RARB: variants seen among roughly 807,000 people sequenced by gnomAD.
The protein encoded by RARB is HBV-activated protein.
A neutral mutation model predicts 51.9 loss-of-function variants in RARB; 17 were observed. The observed-to-expected ratio is 0.33, with a 90% CI of 0.22 to 0.49. The LOEUF (loss-of-function observed/expected upper bound fraction) is 0.49, where lower values mean the gene tolerates loss of function less well. Ranked by LOEUF, RARB falls within the 20% of genes least tolerant of loss-of-function variation. The pLI is 0.99. For synonymous variants in RARB, 215 were observed against 195.4 expected, an observed-to-expected ratio of 1.10 and a Z score of -0.84; for missense variants, 369 against 550.8, an observed-to-expected ratio of 0.67 and a Z score of 3.30.
intron 2 of RARB, among the ~76,000 whole-genome samples, chr3:25,479,155 CT>C (rs201692330): frequency 1.1e-4 from 16 of 146,882 alleles, no homozygotes; most frequent in East Asian, 4.1e-4. Flanking sequence ...TGTCTGTCTT[CT>C]TTTTTTTTTG....
intron 3 of RARB, among the ~76,000 whole-genome samples, chr3:25,105,599 G>C (rs1699484869): frequency 6.6e-6 from 1 of 152,044 alleles, no homozygotes; most frequent in South Asian, 2.1e-4. Context: ...GGAGGAATTG[G>C]AAGAATATGA....
intron 2 of RARB, among the ~76,000 whole-genome samples, chr3:24,880,349 CTG>C (rs1703135689): frequency 1.3e-5 from 2 of 151,950 alleles, no homozygotes; most frequent in South Asian, 4.2e-4. Context: ...CAGAGGAAAA[CTG>C]GGGGTGGGGG....
chr3:24,888,709 A>G (rs1402986053), intron 2 of RARB, among the ~76,000 whole-genome samples: 1 of 152,178 alleles, frequency 6.6e-6, no homozygotes. Flanking sequence ...CTGTGCATTG[A>G]TGGATATAAA....
intron 2 of RARB, among the ~76,000 whole-genome samples, chr3:25,047,752 T>C (rs1698246234): frequency 6.6e-6 from 1 of 152,240 alleles, no homozygotes; most frequent in Admixed American, 6.5e-5. Flanking sequence ...ACACCTAGTC[T>C]TCCCACTGTA....
intron 1 of RARB, among the ~76,000 whole-genome samples, chr3:24,834,714 C>G (rs999290636): frequency 2.0e-5 from 3 of 152,136 alleles, no homozygotes; most frequent in Non-Finnish European, 2.9e-5. Context: ...CAAGAAAAAT[C>G]TAAGTCTCAA....
chr3:25,554,098 A>T (rs1321089281), intron 3 of RARB, among the ~76,000 whole-genome samples: 1 of 151,372 alleles, frequency 6.6e-6, no homozygotes, highest in Non-Finnish European at 1.5e-5. Context: ...AGGGGTCTAC[A>T]AATACTGCAG....
chr3:25,459,481 G>C (rs992995724), intron 1 of RARB, among the ~76,000 whole-genome samples: 3 of 152,192 alleles, frequency 2.0e-5, no homozygotes, highest in Non-Finnish European at 4.4e-5. Context: ...CTATTGGAGG[G>C]CTTTAGATAG....
At chr3:25,317,358 G>T (rs1001638821) in intron 5 of RARB, among the ~76,000 whole-genome samples, 1 of 152,124 alleles carries the variant, frequency 6.6e-6, no homozygotes, top group Non-Finnish European at 1.5e-5. Flanking sequence ...ATGTAATCTG[G>T]TCCCTAATTT....
intron 2 of RARB, among the ~76,000 whole-genome samples, chr3:24,873,355 T>C (rs536150430): frequency 1.3e-5 from 2 of 152,286 alleles, no homozygotes. Flanking sequence ...CATTTAGGAA[T>C]TTCAGTTCTT....
intron 5 of RARB, among the ~76,000 whole-genome samples, chr3:25,291,505 G>A (rs1342216985): frequency 8.0e-6 from 1 of 125,424 alleles, no homozygotes; most frequent in Non-Finnish European, 1.7e-5. Flanking sequence ...GAACACACAC[G>A]GCTTGTTTGC....
intron 2 of RARB, among the ~76,000 whole-genome samples, chr3:25,043,739 C>T (rs1331016608): frequency 1.3e-5 from 2 of 152,044 alleles, no homozygotes; most frequent in Non-Finnish European, 2.9e-5. Flanking sequence ...TTTACGTGAC[C>T]ACTCAGCATG....
In RARB at chr3:25,304,126, A is replaced by C. The variant is rs532852272; in HGVS notation, c.178+129551A>C. On this transcript the variant is annotated intron_variant, in intron 5 of 11. Coordinates refer to the RARB transcript ENST00000383772. ...ATATGCACAGATTATAGCTGAACCCAAAACCCAAGCATCCACACTCCCATT... is the reference window on the plus strand; with the variant it reads ...ATATGCACAGATTATAGCTGAACCCCAAACCCAAGCATCCACACTCCCATT... Among the ~76,000 whole-genome samples, 11 of 152,274 alleles carry C rather than the reference A, an allele frequency of 7.2e-5. No homozygotes were observed. In the East Asian group the frequency reaches 1.2e-3, roughly 16 times the overall value.
At position 25,298,568 on chromosome 3, in the gene RARB, A is replaced by G. The variant is rs560194248; in HGVS notation, c.178+123993A>G. ...ATCAAACCCCAGGATGGTGATTTGC[A>G]TAGTGGTGAGTTAAGCTGGCCTCTA... is the stretch of plus-strand genomic sequence containing the variant. On this transcript the variant is annotated intron_variant, in intron 5 of 11. Transcript: ENST00000383772. Among the ~76,000 whole-genome samples, 4 of 151,984 alleles carry G rather than the reference A, an allele frequency of 2.6e-5. No homozygotes were observed. In the East Asian group the frequency reaches 5.8e-4, roughly 22 times the overall value.
intron 2 of RARB, among the ~76,000 whole-genome samples, chr3:25,474,809 T>C (rs554311822): frequency 8.5e-5 from 13 of 152,356 alleles, no homozygotes; most frequent in South Asian, 2.1e-4. Context: ...AATTCAGTTG[T>C]ATTTTGCTCT....
At chr3:25,464,352 C>T (rs1695330371) in intron 2 of RARB, among the ~76,000 whole-genome samples, 3 of 152,064 alleles carry the variant, frequency 2.0e-5, no homozygotes, top group Admixed American at 2.0e-4. Flanking sequence ...AGGAAAAACC[C>T]CAATAAAAAC....
intron 4 of RARB, among the ~76,000 whole-genome samples, chr3:25,172,751 T>C (rs1700668798): frequency 6.6e-6 from 1 of 152,194 alleles, no homozygotes; most frequent in African/African-American, 2.4e-5. Context: ...TGATAACAAA[T>C]ATGTTAATGT....
intron 2 of RARB, among the ~76,000 whole-genome samples, chr3:25,495,120 C>A (rs911211609): frequency 6.6e-6 from 1 of 152,106 alleles, no homozygotes; most frequent in African/African-American, 2.4e-5. Context: ...GTATCTAAAC[C>A]AACAGAAATC....
chr3:25,081,783 C>G lies in RARB; in HGVS notation c.-328+21607C>G, dbSNP rs891432226. On this transcript the variant is annotated intron_variant, in intron 3 of 11. Coordinates refer to the RARB transcript ENST00000383772. ...GAGTAGCTGGGATTACAGGTGCCCA[C>G]CAGCTCGCCCAGCTAATTTTTGTAC... Among the ~76,000 whole-genome samples the G allele has an allele frequency of 2.7e-5, 4 of 150,012 alleles. 1 individual carries two copies. Among genetic ancestry groups the G allele is most frequent in the Admixed American group, 2.7e-4 (4 of 15,038 alleles).
intron 5 of RARB, among the ~76,000 whole-genome samples, chr3:25,307,614 C>G (rs971416217): frequency 1.3e-5 from 2 of 152,132 alleles, no homozygotes; most frequent in Admixed American, 6.5e-5. Flanking sequence ...AATATTTGTA[C>G]TTTGATCAGA....
Sources: gnomAD v4.1 joint callset for allele counts (sites outside exome capture counted in the v4.1 genomes callset) on GRCh38, gnomAD v4.1.1 for gene constraint, MANE v1.5 for transcripts, NCBI Gene and HGNC (gene_info 2026-07-23, HGNC 2026-07-21) for gene names.